TOR1AIP2: variants seen among roughly 807,000 people sequenced by gnomAD.
TOR1AIP2 encodes the protein torsin-1A-interacting protein 2.
A neutral mutation model predicts 32.6 loss-of-function variants in TOR1AIP2; 20 were observed. The ratio of observed to expected loss-of-function variants is 0.61; its 90% CI spans 0.43 to 0.89. The LOEUF is 0.89. Ranked by LOEUF, TOR1AIP2 falls within the 40% of genes least tolerant of loss-of-function variation. TOR1AIP2 has a pLI of 0.00. For synonymous variants in TOR1AIP2, 214 were observed against 210.8 expected (o/e 1.02, Z -0.13); for missense variants, 456 against 553.8 (o/e 0.82, Z 1.77).
chr1:179,862,572 C>A, intron 3 of TOR1AIP2: 1 of 984,706 alleles, frequency 1.0e-6, no homozygotes, highest in Non-Finnish European at 1.2e-6. Flanking sequence ...TCAGGTTTCA[C>A]AACATGTAGC....
intron 3 of TOR1AIP2, 169 bp downstream of exon 3, chr1:179,865,267 T>A: frequency 1.4e-6 from 2 of 1,457,536 alleles, no homozygotes; most frequent in East Asian, 4.7e-5. Flanking sequence ...CTATTACAGG[T>A]TTCGTTTACC....
chr1:179,864,455 G>T lies in TOR1AIP2; in HGVS notation c.-147+981C>A, dbSNP rs1056568607. On this transcript the variant is annotated intron_variant, in intron 3 of 6. Transcript: ENST00000609928. ...CACACAGTATAGGACTTCCCCTCTA[G>T]GACTACTTTGTCATATGACACTCAT... 5.7e-6 allele frequency: 6 copies of T among 1,058,596 alleles called. No homozygotes were observed. In the African/African-American group the frequency reaches 8.4e-5, roughly 15 times the overall value. 65.6% of individuals were successfully genotyped at this position (1,058,596 alleles called of 1,614,324 possible).
intron 3 of TOR1AIP2, among the ~76,000 whole-genome samples, chr1:179,854,999 T>G (rs1696245417): frequency 6.6e-6 from 1 of 152,056 alleles, no homozygotes; most frequent in African/African-American, 2.4e-5. Context: ...ATTGGCCAAT[T>G]CACAAAAGGG....
chr1:179,873,060 T>C (rs1697071739), intron 2 of TOR1AIP2, among the ~76,000 whole-genome samples: 1 of 152,194 alleles, frequency 6.6e-6, no homozygotes, highest in South Asian at 2.1e-4. Context: ...CACGATTTCT[T>C]TTAGTTGTTA....
intron 2 of TOR1AIP2, among the ~76,000 whole-genome samples, chr1:179,871,834 A>G (rs1022203971): frequency 3.3e-5 from 5 of 152,250 alleles, no homozygotes; most frequent in Non-Finnish European, 5.9e-5. Context: ...CCTATTTCAC[A>G]ACTACCTTAG....
chr1:179,862,377 G>A, intron 3 of TOR1AIP2: 1 of 985,304 alleles, frequency 1.0e-6, no homozygotes, highest in Non-Finnish European at 1.2e-6. Context: ...TTTTTAGGAG[G>A]AGTTGTAGGA....
chr1:179,851,987 A>G (rs1048035818), intron 4 of TOR1AIP2, among the ~76,000 whole-genome samples: 2 of 151,338 alleles, frequency 1.3e-5, no homozygotes, highest in Non-Finnish European at 1.5e-5. Flanking sequence ...TTTCTTTAAT[A>G]AAAGTAAGAA....
chr1:179,856,668 G>A (rs1364647962), intron 3 of TOR1AIP2, among the ~76,000 whole-genome samples: 1 of 152,170 alleles, frequency 6.6e-6, no homozygotes, highest in African/African-American at 2.4e-5. Context: ...ATAGGCTGGA[G>A]TGAAGTGGTG....
chr1:179,863,878 T>C (rs2148447031), intron 3 of TOR1AIP2: 6 of 985,406 alleles, frequency 6.1e-6, no homozygotes, highest in Non-Finnish European at 7.2e-6. Flanking sequence ...TCTGGGTCCA[T>C]GATTTTCATG....
chr1:179,873,130 T>C (rs1417944769), intron 2 of TOR1AIP2, among the ~76,000 whole-genome samples: 1 of 152,222 alleles, frequency 6.6e-6, no homozygotes, highest in African/African-American at 2.4e-5. Context: ...TTTGTGACCC[T>C]TTCTTGTCTT....
intron 3 of TOR1AIP2, among the ~76,000 whole-genome samples, chr1:179,856,153 G>A (rs545863398): frequency 3.9e-5 from 6 of 152,082 alleles, no homozygotes; most frequent in Non-Finnish European, 7.4e-5. Context: ...CAGCCTGGGC[G>A]ACAGAGCAAA....
Position 179,864,095 on chromosome 1 carries a change from C to T in TOR1AIP2, c.-147+1341G>A, listed in dbSNP as rs558965731. On this transcript the variant is annotated intron_variant, in intron 3 of 6. Transcript: ENST00000609928. ...ACAGTCTTTTGTTTATGTAAAGCCA[C>T]GTAAGTATGGACAGGTGGCATTTCT... 55 of 985,378 alleles carry T rather than the reference C, an allele frequency of 5.6e-5. No homozygotes were observed. In the African/African-American group the frequency reaches 6.3e-4, roughly 11 times the overall value. 61.0% of individuals were successfully genotyped at this position (985,378 alleles called of 1,614,324 possible).
chr1:179,857,223 G>A (rs550395175), intron 3 of TOR1AIP2, among the ~76,000 whole-genome samples: 47 of 152,286 alleles, frequency 3.1e-4, no homozygotes, highest in East Asian at 7.7e-4. Context: ...TATACGTGGC[G>A]GTTATAATGA....
At chr1:179,868,636 C>A (rs1024215157) in intron 2 of TOR1AIP2, 5 of 151,710 alleles carry the variant, frequency 3.3e-5, no homozygotes, top group African/African-American at 1.2e-4. Flanking sequence ...AAATAACAGC[C>A]ACAATGGCCA....
chr1:179,847,398 T>C (rs556555981), intron 6 of TOR1AIP2, 137 bp downstream of exon 6: 7 of 693,350 alleles, frequency 1.0e-5, no homozygotes, highest in Middle Eastern at 2.4e-4. Context: ...TATTTTACTA[T>C]GTCTCACTAC....
chr1:179,875,642 T>C (rs2148462194), intron 2 of TOR1AIP2: 1 of 152,140 alleles, frequency 6.6e-6, no homozygotes, highest in African/African-American at 2.4e-5. Context: ...AGTGGAGTTA[T>C]AGGTGAATTT....
chr1:179,842,637 T>C lies in TOR1AIP2; in HGVS notation c.*3434A>G, dbSNP rs1695755527. 6.6e-6 allele frequency: 1 copy of C among 152,224 alleles called. No homozygotes were observed. Among genetic ancestry groups the C allele is most frequent in the Admixed American group, 6.5e-5 (1 of 15,290 alleles). 9.4% of individuals were successfully genotyped at this position (152,224 alleles called of 1,614,324 possible). A position where few individuals can be genotyped will look rare whatever the true frequency, so the allele number is the denominator to read the frequency against. ...GAGTAACTAAATGGCAACGTTTAGGTACCACATACAATATTGTATGCCCAC... is the reference window on the plus strand; with the variant it reads ...GAGTAACTAAATGGCAACGTTTAGGCACCACATACAATATTGTATGCCCAC... On this transcript the variant is annotated 3_prime_UTR_variant, in exon 7 of 7. Transcript: ENST00000609928.
intron 3 of TOR1AIP2, chr1:179,861,700 T>C (rs1696540013): frequency 1.0e-6 from 1 of 985,322 alleles, no homozygotes; most frequent in African/African-American, 1.7e-5. Context: ...TAGCCAGTAT[T>C]ACCAAATAAA....
intron 3 of TOR1AIP2, chr1:179,863,991 C>A (rs1696665226): frequency 1.0e-6 from 1 of 985,252 alleles, no homozygotes; most frequent in Non-Finnish European, 1.2e-6. Flanking sequence ...TTGATAATTT[C>A]TTTTGTCATA....
Sources: gnomAD v4.1 joint callset for allele counts (sites outside exome capture counted in the v4.1 genomes callset) on GRCh38, gnomAD v4.1.1 for gene constraint, MANE v1.5 for transcripts, NCBI Gene and HGNC (gene_info 2026-07-23, HGNC 2026-07-21) for gene names.